The following ULK4 variants were observed in gnomAD, a reference collection of about 807,000 sequenced individuals.
ULK4 encodes inactive serine/threonine-protein kinase ULK4.
Under a neutral mutation model 160.6 loss-of-function variants are expected in ULK4, and 133 were observed. That is an observed-to-expected ratio of 0.83 (90% CI 0.72 to 0.96). The LOEUF (loss-of-function observed/expected upper bound fraction) is 0.96. Ranked by LOEUF, ULK4 falls within the 40% of genes least tolerant of loss-of-function variation. The pLI is 0.00. For missense variants in ULK4, 1,580 were observed against 1,499.5 expected (o/e 1.05, Z -0.89); for synonymous variants, 534 against 539.8 (o/e 0.99, Z 0.15).
rs148401785 is a variant in ULK4, at chr3:41,929,293, G to A, written c.541+2551C>T. On this transcript the variant is annotated intron_variant, in intron 5 of 36. Transcript: ENST00000301831. The stretch of plus-strand genomic sequence containing the variant: ...AAGGCCTTCAACAAAATTCAACACC[G>A]CTTCATGCTAAAAACTCTCAATAAA... 2.4e-4 allele frequency among the ~76,000 whole-genome samples: 36 copies of A among 152,028 alleles called. No homozygotes were observed. The East Asian group carries it at 6.0e-3, about 25-fold the overall frequency.
intron 22 of ULK4, among the ~76,000 whole-genome samples, chr3:41,740,159 A>C (rs547818882): frequency 1.6e-4 from 24 of 151,988 alleles, no homozygotes; most frequent in Non-Finnish European, 2.8e-4. Context: ...TCTTCAATCC[A>C]TCTGGAACTG....
intron 16 of ULK4, among the ~76,000 whole-genome samples, chr3:41,886,220 G>T (rs1359213743): frequency 1.3e-5 from 2 of 152,152 alleles, no homozygotes; most frequent in African/African-American, 4.8e-5. Flanking sequence ...TAACCCCCAT[G>T]AAGTTAATGG....
chr3:41,957,823 C>T (rs1259953162), intron 1 of ULK4, among the ~76,000 whole-genome samples: 1 of 152,012 alleles, frequency 6.6e-6, no homozygotes, highest in Non-Finnish European at 1.5e-5. Flanking sequence ...CAATTGACGC[C>T]GGGAGTTTGA....
chr3:41,505,589 A>C (rs577275405), intron 32 of ULK4, among the ~76,000 whole-genome samples: 1 of 152,134 alleles, frequency 6.6e-6, no homozygotes, highest in Admixed American at 6.6e-5. Flanking sequence ...TAAATTTTTT[A>C]CTGATTTATA....
At chr3:41,284,258 T>G (rs1177135143) in intron 35 of ULK4, among the ~76,000 whole-genome samples, 2 of 152,084 alleles carry the variant, frequency 1.3e-5, no homozygotes, top group Non-Finnish European at 2.9e-5. Flanking sequence ...AAAATTCATA[T>G]GGAAACAAAA....
rs1310112212 is a variant in ULK4 at position 41,295,508 on chromosome 3, G to T, written c.3679-45934C>A. Among the ~76,000 whole-genome samples, 3 of 132,380 alleles carry T rather than the reference G, an allele frequency of 2.3e-5. 1 individual carries two copies. The highest frequency in any genetic ancestry group is 8.2e-5 in the African/African-American group (3 of 36,694). The allele number at this position is 132,380 out of a possible 152,430, so 86.8% of individuals were successfully genotyped here. ...GTTAAAACTTAAAACTTCTGCCACA[G>T]ACTGGGAGAAAATATTTGCAAAAGA... On this transcript the variant is annotated intron_variant, in intron 35 of 36. Transcript: ENST00000301831.
chr3:41,750,396 ATCC>A (rs892915937), intron 22 of ULK4, among the ~76,000 whole-genome samples: 17 of 151,668 alleles, frequency 1.1e-4, no homozygotes, highest in African/African-American at 4.1e-4. Context: ...TCAATTGGAA[ATCC>A]TCCTCCATCT....
chr3:41,773,023 C>T (rs2039456606), intron 21 of ULK4, among the ~76,000 whole-genome samples: 1 of 152,176 alleles, frequency 6.6e-6, no homozygotes, highest in African/African-American at 2.4e-5. Flanking sequence ...TTCAACAATC[C>T]TTCATGCTAA....
intron 21 of ULK4, among the ~76,000 whole-genome samples, chr3:41,756,564 G>A (rs1212537082): frequency 4.6e-5 from 7 of 152,116 alleles, no homozygotes; most frequent in Non-Finnish European, 4.4e-5. Context: ...AAAGGAAAGC[G>A]GCAAAGGGAA....
At chr3:41,879,848 G>A (rs1325557497) in intron 17 of ULK4, among the ~76,000 whole-genome samples, 1 of 152,180 alleles carries the variant, frequency 6.6e-6, no homozygotes, top group Non-Finnish European at 1.5e-5. Flanking sequence ...CAGGAGTGGT[G>A]GCTCATGCCT....
At chr3:41,549,040 A>G (rs4973964) in intron 32 of ULK4, among the ~76,000 whole-genome samples, 77,637 of 151,962 alleles carry the variant, frequency 0.51, 19,947 homozygotes, top group Middle Eastern at 0.57. Flanking sequence ...ATCTACAGGA[A>G]AAAAGTCTTC....
chr3:41,483,109 C>T (rs561819902), intron 32 of ULK4, among the ~76,000 whole-genome samples: 1 of 152,150 alleles, frequency 6.6e-6, no homozygotes, highest in East Asian at 1.9e-4. Context: ...AGATCTTATG[C>T]ATTCCTTCTC....
intron 35 of ULK4, among the ~76,000 whole-genome samples, chr3:41,271,044 G>A (rs1445853245): frequency 6.6e-6 from 1 of 151,972 alleles, no homozygotes; most frequent in Non-Finnish European, 1.5e-5. Context: ...ATTCTACTCT[G>A]TCTTAATATA....
chr3:41,478,283 G>C (rs966426277), intron 32 of ULK4, among the ~76,000 whole-genome samples: 1 of 152,222 alleles, frequency 6.6e-6, no homozygotes, highest in East Asian at 1.9e-4. Flanking sequence ...GAAAGAACCT[G>C]ATGAATCACA....
chr3:41,867,527 A>G (rs1696940642), intron 17 of ULK4, among the ~76,000 whole-genome samples: 9 of 152,212 alleles, frequency 5.9e-5, no homozygotes, highest in Admixed American at 5.9e-4. Flanking sequence ...GTGTACCACC[A>G]TGCCCAGATA....
intron 31 of ULK4, among the ~76,000 whole-genome samples, chr3:41,573,682 A>G (rs935555516): frequency 2.0e-5 from 3 of 152,186 alleles, no homozygotes; most frequent in Non-Finnish European, 4.4e-5. Flanking sequence ...TACATAGCAC[A>G]TCCTATTCAA....
chr3:41,826,671 G>A (rs1334040481), intron 18 of ULK4, among the ~76,000 whole-genome samples: 1 of 149,358 alleles, frequency 6.7e-6, no homozygotes, highest in East Asian at 1.9e-4. Context: ...AGTCCTTAGA[G>A]ACCTACAAAG....
At chr3:41,593,036 G>A (rs2031460194) in intron 31 of ULK4, among the ~76,000 whole-genome samples, 1 of 152,090 alleles carries the variant, frequency 6.6e-6, no homozygotes, top group Non-Finnish European at 1.5e-5. Context: ...GAAAGCAGCA[G>A]GTCACCATTA....
chr3:41,255,519 G>A (rs1181933268), intron 35 of ULK4, among the ~76,000 whole-genome samples: 1 of 152,080 alleles, frequency 6.6e-6, no homozygotes, highest in African/African-American at 2.4e-5. Flanking sequence ...AACAGTTGAT[G>A]GTTAAAGGAT....
Sources: gnomAD v4.1 joint callset for allele counts (sites outside exome capture counted in the v4.1 genomes callset) on GRCh38, gnomAD v4.1.1 for gene constraint, MANE v1.5 for transcripts, NCBI Gene and HGNC (gene_info 2026-07-23, HGNC 2026-07-21) for gene names.